Variants in RFC3 observed in about 807,000 individuals in gnomAD.
The protein encoded by RFC3 is replication factor C subunit 3.
RFC3 carries 41 observed loss-of-function variants against 45.1 expected under a neutral mutation model. That is an observed-to-expected ratio of 0.91 (90% CI 0.71 to 1.18). The LOEUF is 1.18. RFC3 is among the 50% of genes most tolerant of loss of function. The pLI is 0.00. For synonymous variants in RFC3, 149 were observed against 144.0 expected (o/e 1.03, Z -0.25); for missense variants, 423 against 428.1 (o/e 0.99, Z 0.10).
chr13:33,967,270 A>G (rs1355252448), downstream of RFC3, among the ~76,000 whole-genome samples: 1 of 152,180 alleles, frequency 6.6e-6, no homozygotes, highest in Non-Finnish European at 1.5e-5. Context: ...ATGAAATTTT[A>G]TCCTTTTCTA....
At chr13:33,867,805 A>C (rs1476924924) in intron 8 of RFC3, among the ~76,000 whole-genome samples, 1 of 152,230 alleles carries the variant, frequency 6.6e-6, no homozygotes, top group Non-Finnish European at 1.5e-5. Flanking sequence ...CACAACTATC[A>C]GCTACAACCC....
intron 8 of RFC3, among the ~76,000 whole-genome samples, chr13:33,883,786 C>A (rs960707611): frequency 2.0e-5 from 3 of 152,070 alleles, no homozygotes; most frequent in Non-Finnish European, 2.9e-5. Context: ...CCTTTCAGAG[C>A]GTGGAGAGTG....
chr13:33,920,974 T>G (rs904977668), intron 8 of RFC3, among the ~76,000 whole-genome samples: 2 of 152,146 alleles, frequency 1.3e-5, no homozygotes, highest in Non-Finnish European at 2.9e-5. Flanking sequence ...TATGCCTCAG[T>G]TATAGCACTT....
At chr13:33,919,568 C>G (rs898404206) in intron 8 of RFC3, among the ~76,000 whole-genome samples, 8 of 151,912 alleles carry the variant, frequency 5.3e-5, no homozygotes, top group African/African-American at 1.9e-4. Flanking sequence ...GTGAATAAAC[C>G]AGTTGGCTTG....
chr13:33,863,347 G>T lies in RFC3; in HGVS notation c.879+28130G>T, dbSNP rs75481026. On this transcript the variant is annotated intron_variant, in intron 8 of 8. Transcript: ENST00000434425. ...CTGTTTGGGGTCCTCACTCTGCTAG[G>T]TAACAGACAGTTCATCTTCATGCAC... 3.9e-4 allele frequency among the ~76,000 whole-genome samples: 60 copies of T among 152,282 alleles called. No individual in the cohort carries two copies. The East Asian group carries it at 0.01, about 26-fold the overall frequency.
In RFC3 at chr13:33,913,469, A is replaced by G. The variant is rs552259243; in HGVS notation, c.880-52618A>G. 3.3e-4 allele frequency among the ~76,000 whole-genome samples: 50 copies of G among 152,278 alleles called. No individual in the cohort carries two copies. In the East Asian group the frequency reaches 9.7e-3, roughly 30 times the overall value. ...AAGTTGCCTGAGTAGTAAATGAACT[A>G]ATTTTGTGATAAGCTCAAAGGACAC... On this transcript the variant is annotated intron_variant, in intron 8 of 8. Coordinates refer to the RFC3 transcript ENST00000434425.
At chr13:33,843,424 A>G (rs1173502346) in intron 8 of RFC3, among the ~76,000 whole-genome samples, 1 of 152,216 alleles carries the variant, frequency 6.6e-6, no homozygotes, top group Non-Finnish European at 1.5e-5. Flanking sequence ...TTAGTAGCTT[A>G]TGCTCCTTTT....
chr13:33,828,303 A>G (rs958367678), intron 4 of RFC3, among the ~76,000 whole-genome samples: 3 of 151,810 alleles, frequency 2.0e-5, no homozygotes, highest in African/African-American at 7.3e-5. Context: ...ATTGTGGAGC[A>G]TTGTCTTAGT....
At chr13:33,928,826 C>A (rs753180599) in intron 8 of RFC3, among the ~76,000 whole-genome samples, 15 of 148,484 alleles carry the variant, frequency 1.0e-4, no homozygotes, top group Non-Finnish European at 1.9e-4. Context: ...ATGAAGAGAA[C>A]CAATGTCTGG....
intron 3 of RFC3, 50 bp downstream of exon 3, chr13:33,824,034 G>A: frequency 1.1e-6 from 1 of 931,708 alleles, no homozygotes; most frequent in Non-Finnish European, 1.6e-6. Flanking sequence ...AATTGGTTTT[G>A]GGCTTTCTTT....
chr13:33,865,239 A>G (rs988639140), intron 8 of RFC3, among the ~76,000 whole-genome samples: 4 of 152,196 alleles, frequency 2.6e-5, no homozygotes, highest in African/African-American at 7.2e-5. Flanking sequence ...TATAAAAAAT[A>G]TGAAAAAAAA....
At chr13:33,843,343 C>T (rs190136596) in intron 8 of RFC3, among the ~76,000 whole-genome samples, 1 of 152,256 alleles carries the variant, frequency 6.6e-6, no homozygotes, top group East Asian at 1.9e-4. Flanking sequence ...TAGTGGTCTC[C>T]ACAAACCTCA....
intron 8 of RFC3, among the ~76,000 whole-genome samples, chr13:33,884,500 G>T (rs8181854): frequency 0.028 from 4,309 of 152,258 alleles, 118 homozygotes; most frequent in East Asian, 0.15. Context: ...CAAATGCACC[G>T]TCTTCTGAAT....
At chr13:33,907,737 A>G (rs953460812) in intron 8 of RFC3, among the ~76,000 whole-genome samples, 1 of 152,072 alleles carries the variant, frequency 6.6e-6, no homozygotes, top group Non-Finnish European at 1.5e-5. Flanking sequence ...TGAAAGCACC[A>G]ACTATTAATC....
chr13:33,838,997 C>A (rs1409906261), downstream of RFC3, among the ~76,000 whole-genome samples: 2 of 152,076 alleles, frequency 1.3e-5, no homozygotes, highest in Non-Finnish European at 2.9e-5. Flanking sequence ...TTATTTTAGC[C>A]TGGCTTTATC....
In RFC3 at chr13:33,925,209, T is replaced by C. The variant is rs868746002; in HGVS notation, c.880-40878T>C. ...ATATAGTGTACTATATACATACACA[T>C]ATAGTGTACTATATACATACACATA... On this transcript the variant is annotated intron_variant, in intron 8 of 8. Coordinates refer to the RFC3 transcript ENST00000434425. Among the ~76,000 whole-genome samples the C allele has an allele frequency of 6.3e-4, 76 of 121,182 alleles. 1 individual carries two copies. The highest frequency in any genetic ancestry group is 2.3e-3 in the African/African-American group (68 of 29,880). The allele number at this position is 121,182 out of a possible 152,430, so 79.5% of individuals were successfully genotyped here. A position where few individuals can be genotyped will look rare whatever the true frequency, so the allele number is the denominator to read the frequency against.
chr13:33,830,721 T>A lies in RFC3; in HGVS notation c.576T>A (p.Ile192=). The change falls in exon 6 of 9, where the codon ATT becomes ATA. Residue 192 remains isoleucine (I), a splice_region_variant and synonymous_variant. Coordinates refer to ENST00000380071, the MANE Select transcript of RFC3 (RefSeq NM_002915.4). ...ATTTTTGTTAATTTTATTTGTAGATTTGCCACGTGTTATCTACTGTGTGTA... is the reference window on the plus strand; with the variant it reads ...ATTTTTGTTAATTTTATTTGTAGATATGCCACGTGTTATCTACTGTGTGTA... ...VRVPAPSIED[I]CHVLSTVCKK... 6.3e-7 allele frequency: 1 copy of A among 1,595,874 alleles called. No homozygotes were observed. The highest frequency in any genetic ancestry group is 8.5e-7 in the Non-Finnish European group (1 of 1,174,300).
downstream of RFC3, among the ~76,000 whole-genome samples, chr13:33,969,518 A>C (rs1026334518): frequency 6.6e-6 from 1 of 152,210 alleles, no homozygotes. Context: ...ATGTGTGACT[A>C]TTTCCAAGGC....
chr13:33,822,350 A>G (rs906338901), intron 2 of RFC3, among the ~76,000 whole-genome samples: 6 of 152,218 alleles, frequency 3.9e-5, no homozygotes, highest in African/African-American at 9.6e-5. Flanking sequence ...ATAAATTTCT[A>G]TGAAATTCTA....
Sources: gnomAD v4.1 joint callset for allele counts (sites outside exome capture counted in the v4.1 genomes callset) on GRCh38, gnomAD v4.1.1 for gene constraint, MANE v1.5 for transcripts, NCBI Gene and HGNC (gene_info 2026-07-23, HGNC 2026-07-21) for gene names.